CCNB2: variants seen among roughly 807,000 people sequenced by gnomAD.
The protein encoded by CCNB2 is G2/mitotic-specific cyclin-B2.
CCNB2 carries 39 observed loss-of-function variants against 51.1 expected under a neutral mutation model. The ratio of observed to expected loss-of-function variants is 0.76; its 90% CI spans 0.59 to 1.00. The LOEUF is 1.00. CCNB2 is among the 50% of genes least tolerant of loss of function. The probability of loss-of-function intolerance (pLI) is 0.00; values close to 1 mark genes in which losing one functional copy is unlikely to be tolerated. For synonymous variants in CCNB2, 174 were observed against 165.5 expected, an observed-to-expected ratio of 1.05 and a Z score of -0.40; for missense variants, 472 against 470.3, an observed-to-expected ratio of 1.00 and a Z score of -0.03.
At chr15:59,121,838 A>T (rs2079302964) in intron 7 of CCNB2, among the ~76,000 whole-genome samples, 1 of 150,966 alleles carries the variant, frequency 6.6e-6, no homozygotes. Context: ...AGGCTGAGAC[A>T]CGAGAATTGC....
At chr15:59,121,048 A>G (rs554573183) in intron 7 of CCNB2, 20 of 151,614 alleles carry the variant, frequency 1.3e-4, no homozygotes, top group Non-Finnish European at 2.2e-4. Flanking sequence ...AAAAAAAAAA[A>G]GTCACTGGTG....
At position 59,124,884 on chromosome 15, in the gene CCNB2, G is replaced by A. The variant is rs986163742; in HGVS notation, c.*7G>A. ...ACTGATAGGAAGGTCCTAGGCTGCC[G>A]TGGCCCCTGGGGATGTGTGCTTCAT... On this transcript the variant is annotated 3_prime_UTR_variant, in exon 9 of 9. Coordinates refer to ENST00000288207, the MANE Select transcript of CCNB2 (RefSeq NM_004701.4). 57 of 1,531,048 alleles carry A rather than the reference G, an allele frequency of 3.7e-5. No homozygotes were observed. The highest frequency in any genetic ancestry group is 4.9e-5 in the Non-Finnish European group (55 of 1,133,628). The allele number at this position is 1,531,048 out of a possible 1,614,324, so 94.8% of individuals were successfully genotyped here.
At chr15:59,122,224 A>C (rs1274217783) in intron 7 of CCNB2, among the ~76,000 whole-genome samples, 2 of 149,022 alleles carry the variant, frequency 1.3e-5, no homozygotes, top group Admixed American at 6.8e-5. Flanking sequence ...ACTCTTAAAT[A>C]AAGTCAGTTG....
intron 1 of CCNB2, among the ~76,000 whole-genome samples, chr15:59,105,805 G>C (rs570203478): frequency 6.6e-6 from 1 of 152,272 alleles, no homozygotes; most frequent in African/African-American, 2.4e-5. Flanking sequence ...ATTTCTTTTT[G>C]TATGAGTTTC....
intron 3 of CCNB2, among the ~76,000 whole-genome samples, chr15:59,113,766 C>T (rs940426528): frequency 9.2e-5 from 14 of 152,172 alleles, no homozygotes; most frequent in African/African-American, 2.9e-4. Context: ...TTCCGTCCAG[C>T]CCAGGCTGGA....
In CCNB2 at chr15:59,124,967, ATC is replaced by A; in HGVS notation, c.*93_*94del. The A allele has an allele frequency of 1.4e-6, 1 of 698,170 alleles. No homozygotes were observed. Among genetic ancestry groups the A allele is most frequent in the South Asian group, 2.4e-5 (1 of 41,718 alleles). The allele number at this position is 698,170 out of a possible 1,614,324, so 43.2% of individuals were successfully genotyped here. A position where few individuals can be genotyped will look rare whatever the true frequency, so the allele number is the denominator to read the frequency against. ...GATTTTGTACATAGTCCTCTGGTCT[ATC>A]TCATGAAACCTCTTCTCAGACCAGT... On this transcript the variant is annotated 3_prime_UTR_variant, in exon 9 of 9. Coordinates refer to ENST00000288207, the MANE Select transcript of CCNB2 (RefSeq NM_004701.4).
intron 3 of CCNB2, among the ~76,000 whole-genome samples, chr15:59,113,034 A>C (rs1374363124): frequency 7.4e-6 from 1 of 135,570 alleles, no homozygotes; most frequent in African/African-American, 3.4e-5. Flanking sequence ...ACTCCATCTC[A>C]AAAAAAAAAA....
chr15:59,121,931 CAAAAAAAAAAAAAAAA>C (rs3052992), intron 7 of CCNB2, among the ~76,000 whole-genome samples: 4 of 14,094 alleles, frequency 2.8e-4, no homozygotes, highest in South Asian at 2.9e-3. Flanking sequence ...GACTCTGTCT[CAAAAAAAAAAAAAAAA>C]AAAAAAAAAA....
intron 3 of CCNB2, among the ~76,000 whole-genome samples, chr15:59,110,101 TA>T (rs1337534695): frequency 1.3e-5 from 2 of 152,276 alleles, no homozygotes; most frequent in East Asian, 3.9e-4. Flanking sequence ...TTTCTTTTTT[TA>T]AAAGCAAAGA....
At chr15:59,109,959 C>G (rs993988396) in intron 3 of CCNB2, among the ~76,000 whole-genome samples, 1 of 152,160 alleles carries the variant, frequency 6.6e-6, no homozygotes, top group Non-Finnish European at 1.5e-5. Flanking sequence ...TGCACTCCAG[C>G]CTGGGCGACA....
intron 3 of CCNB2, among the ~76,000 whole-genome samples, chr15:59,111,470 G>A (rs1349095509): frequency 1.3e-5 from 2 of 152,252 alleles, no homozygotes; most frequent in African/African-American, 2.4e-5. Flanking sequence ...TGCCCTTCCA[G>A]GGGTGGGTGA....
At chr15:59,118,063 G>C (rs1429572524) in intron 7 of CCNB2, among the ~76,000 whole-genome samples, 2 of 152,204 alleles carry the variant, frequency 1.3e-5, no homozygotes, top group Admixed American at 1.3e-4. Flanking sequence ...GAACTGACAT[G>C]TATGATTTCT....
intron 1 of CCNB2, among the ~76,000 whole-genome samples, chr15:59,107,119 T>C (rs1232157963): frequency 1.3e-5 from 2 of 152,180 alleles, no homozygotes; most frequent in Non-Finnish European, 2.9e-5. Context: ...ACGGATAAAG[T>C]AGATGGGTGA....
At chr15:59,122,448 C>T (rs1369284630) in intron 7 of CCNB2, among the ~76,000 whole-genome samples, 3 of 151,322 alleles carry the variant, frequency 2.0e-5, no homozygotes, top group African/African-American at 7.3e-5. Context: ...TGGTCTCGAA[C>T]TCCTGACCTC....
chr15:59,118,707 A>T (rs540542573), intron 7 of CCNB2, among the ~76,000 whole-genome samples: 113 of 152,192 alleles, frequency 7.4e-4, no homozygotes, highest in African/African-American at 2.3e-3. Context: ...AAAAAGAAGA[A>T]GTTGTCTCGT....
chr15:59,119,471 A>C (rs1248161203), intron 7 of CCNB2, among the ~76,000 whole-genome samples: 4 of 151,172 alleles, frequency 2.6e-5, no homozygotes, highest in South Asian at 2.1e-4. Flanking sequence ...AAAAAAAAAA[A>C]AAAAAACAAA....
intron 1 of CCNB2, 150 bp downstream of exon 1, chr15:59,105,442 C>T (rs1217994259): frequency 4.3e-6 from 4 of 938,456 alleles, no homozygotes; most frequent in Non-Finnish European, 6.4e-6. Flanking sequence ...GTCCCTGGCC[C>T]TGCGGCCGGT....
At chr15:59,121,737 G>T (rs2079302561) in intron 7 of CCNB2, among the ~76,000 whole-genome samples, 1 of 151,986 alleles carries the variant, frequency 6.6e-6, no homozygotes, top group African/African-American at 2.4e-5. Context: ...TTTGAGACCA[G>T]CCTAGCCAAC....
chr15:59,113,069 T>A (rs1456461826), intron 3 of CCNB2, among the ~76,000 whole-genome samples: 2 of 152,158 alleles, frequency 1.3e-5, no homozygotes, highest in Non-Finnish European at 2.9e-5. Context: ...AAGATTTTTT[T>A]ATCTTTCATT....
Sources: gnomAD v4.1 joint callset for allele counts (sites outside exome capture counted in the v4.1 genomes callset) on GRCh38, gnomAD v4.1.1 for gene constraint, MANE v1.5 for transcripts, NCBI Gene and HGNC (gene_info 2026-07-23, HGNC 2026-07-21) for gene names.